Variants in LMO7 observed in about 807,000 individuals in gnomAD.
LMO7 encodes LIM domain 7, also known as LIM domain only protein 7.
LMO7 carries 120 observed loss-of-function variants against 206.5 expected under a neutral mutation model. That is an observed-to-expected ratio of 0.58 (90% confidence interval 0.50 to 0.68). The LOEUF (loss-of-function observed/expected upper bound fraction) is 0.68. Ranked by LOEUF, LMO7 falls within the 30% of genes least tolerant of loss-of-function variation. The pLI, the probability that LMO7 is intolerant of heterozygous loss-of-function variation, is 0.00. For missense variants in LMO7, 1,959 were observed against 1,957.9 expected, an observed-to-expected ratio of 1.00 and a Z score of -0.01; for synonymous variants, 706 against 681.5, an observed-to-expected ratio of 1.04 and a Z score of -0.56.
rs758991524 is a variant in LMO7 at position 75,855,349 on chromosome 13, A to G, written c.4751A>G (p.Tyr1584Cys). 1 of 1,612,296 alleles carries G rather than the reference A, an allele frequency of 6.2e-7. No individual in the cohort carries two copies. Among genetic ancestry groups the G allele is most frequent in the Non-Finnish European group, 8.5e-7 (1 of 1,178,438 alleles). ...AMIIESLGLC[Y>C]HLHCFKCVAC... is the part of the protein sequence containing the mutation. ...ATCATCGAGTCCCTGGGTCTTTGTT[A>G]TCATTTGCATTGTTTTAAGGTGAGA... The change falls in exon 29 of 31, where the codon TAT becomes TGT. Residue 1584 changes from tyrosine to cysteine, a missense_variant. Tyr to Cys is a radical substitution (Grantham distance 194, BLOSUM62 -2). Transcript: ENST00000377534.
At chr13:75,698,065 A>G (rs1392321195) in intron 1 of LMO7, among the ~76,000 whole-genome samples, 1 of 152,208 alleles carries the variant, frequency 6.6e-6, no homozygotes, top group Non-Finnish European at 1.5e-5. Context: ...CCATACAATT[A>G]AAGTGAATTA....
At chr13:75,776,165 A>ATG (rs2140171272) in intron 4 of LMO7, among the ~76,000 whole-genome samples, 1 of 26,758 alleles carries the variant, frequency 3.7e-5, no homozygotes, top group South Asian at 1.1e-3. Flanking sequence ...TATATCGGAT[A>ATG]TATATATATA....
intron 4 of LMO7, among the ~76,000 whole-genome samples, chr13:75,792,670 G>T (rs1013030590): frequency 6.6e-6 from 1 of 152,160 alleles, no homozygotes; most frequent in African/African-American, 2.4e-5. Context: ...CAAAGGAGCT[G>T]CTTGGTTACC....
intron 27 of LMO7, among the ~76,000 whole-genome samples, chr13:75,850,760 A>G (rs1007020966): frequency 6.6e-6 from 1 of 152,024 alleles, no homozygotes; most frequent in East Asian, 1.9e-4. Context: ...AGGACTAGAG[A>G]GTAAATAATT....
Position 75,855,270 on chromosome 13 carries a change from G to A in LMO7, c.4672G>A (p.Gly1558Arg). ...GSQLRNRSVS[G>R]KRICSYCNNI... ...TTGTTCTGCATCTAGGTCAGTCAGTGGGAAGCGCATATGCTCCTACTGCAA... is the reference window on the plus strand; with the variant it reads ...TTGTTCTGCATCTAGGTCAGTCAGTAGGAAGCGCATATGCTCCTACTGCAA... Residue 1558 changes from glycine to arginine, a missense_variant, in exon 29 of 31, where the codon GGG becomes AGG. Physicochemically the swap from Gly to Arg is moderately radical, Grantham distance 125 (BLOSUM62 -2). Transcript: ENST00000377534. 1.2e-6 allele frequency: 2 copies of A among 1,610,792 alleles called. No homozygotes were observed. The highest frequency in any genetic ancestry group is 1.1e-5 in the South Asian group (1 of 90,994).
chr13:75,636,424 G>A lies in LMO7; in HGVS notation c.-234G>A, dbSNP rs1046719037. ...CTGCCCGGGTCCCCGCGGGCCTTGG[G>A]TCGCTTTCAGGAGTTTAGAGAAAGC... On this transcript the variant is annotated 5_prime_UTR_variant, in exon 1 of 31. Transcript: ENST00000377534. 13 of 1,361,362 alleles carry A rather than the reference G, an allele frequency of 9.5e-6. No individual in the cohort carries two copies. The highest frequency in any genetic ancestry group is 1.2e-5 in the Non-Finnish European group (13 of 1,059,802). The allele number at this position is 1,361,362 out of a possible 1,614,324, so 84.3% of individuals were successfully genotyped here.
chr13:75,793,306 G>T (rs1328130210), intron 4 of LMO7, among the ~76,000 whole-genome samples: 1 of 152,152 alleles, frequency 6.6e-6, no homozygotes, highest in African/African-American at 2.4e-5. Context: ...ACGGAGTCTT[G>T]CTCTTGTCGC....
chr13:75,634,069 G>A (rs1291086279), upstream of LMO7, among the ~76,000 whole-genome samples: 3 of 148,540 alleles, frequency 2.0e-5, no homozygotes, highest in East Asian at 6.2e-4. Flanking sequence ...TCAAACTCCT[G>A]ACCTTGTGAT....
At chr13:75,635,868 G>C (rs1486434142), upstream of LMO7, 1 of 152,818 alleles carries the variant, frequency 6.5e-6, no homozygotes, top group African/African-American at 2.4e-5. Context: ...AGCGGGTAGC[G>C]GGCTCAGCTG....
At chr13:75,833,003 G>A (rs76180511) in intron 15 of LMO7, 48 bp from the exon 16 acceptor site, 10,346 of 1,017,326 alleles carry the variant, frequency 0.01, 333 homozygotes, top group East Asian at 0.099. Context: ...TTTCCTCCAT[G>A]TGGGTGCCAG....
chr13:75,805,053 C>A, intron 8 of LMO7: 1 of 991,546 alleles, frequency 1.0e-6, no homozygotes, highest in Non-Finnish European at 1.2e-6. Context: ...GAAAAAGAGG[C>A]CCCAGAATTT....
intron 1 of LMO7, among the ~76,000 whole-genome samples, chr13:75,687,441 G>A (rs1456858571): frequency 6.6e-6 from 1 of 152,168 alleles, no homozygotes; most frequent in African/African-American, 2.4e-5. Flanking sequence ...AAAAAGGACA[G>A]ACTGAAGGGA....
At chr13:75,680,630 A>G (rs1015285157) in intron 1 of LMO7, among the ~76,000 whole-genome samples, 1 of 149,622 alleles carries the variant, frequency 6.7e-6, no homozygotes, top group Non-Finnish European at 1.5e-5. Context: ...GTGCAGTTTT[A>G]TTACATAGGA....
chr13:75,824,717 T>G lies in LMO7; in HGVS notation c.2949+844T>G, dbSNP rs145233985. Reference sequence around the variant, plus strand: ...GGAAGAGCTTTTGTGGTCCTTTGGCTTGGTTTAGTATTCCCTGTTGCCCTG... The same window carrying G: ...GGAAGAGCTTTTGTGGTCCTTTGGCGTGGTTTAGTATTCCCTGTTGCCCTG... On this transcript the variant is annotated intron_variant, in intron 15 of 30. Coordinates refer to ENST00000377534, the MANE Select transcript of LMO7 (RefSeq NM_001306080.2). Among the ~76,000 whole-genome samples, 45 of 152,270 alleles carry G rather than the reference T, an allele frequency of 3.0e-4. No homozygotes were observed. In the East Asian group the frequency reaches 3.1e-3, roughly 10 times the overall value.
intron 1 of LMO7, among the ~76,000 whole-genome samples, chr13:75,679,915 T>G (rs1235956130): frequency 1.3e-5 from 2 of 152,188 alleles, no homozygotes; most frequent in South Asian, 4.1e-4. Flanking sequence ...AATTTTTATT[T>G]TATTTTAAGT....
chr13:75,681,732 A>ATATATATATATATATATATATATATG (rs1555293403), intron 1 of LMO7, among the ~76,000 whole-genome samples: 13 of 135,276 alleles, frequency 9.6e-5, no homozygotes, highest in African/African-American at 3.2e-4. Flanking sequence ...ATATATATAT[A>ATATATATATATATATATATATATATG]TATATATATA....
chr13:75,769,650 AG>A (rs2049372315), intron 4 of LMO7, among the ~76,000 whole-genome samples: 2 of 152,068 alleles, frequency 1.3e-5, no homozygotes, highest in Non-Finnish European at 2.9e-5. Context: ...TAAAGGAAAA[AG>A]TGGGGTTCTT....
chr13:75,641,834 T>TG (rs1483468177), intron 1 of LMO7, among the ~76,000 whole-genome samples: 1 of 151,898 alleles, frequency 6.6e-6, no homozygotes, highest in African/African-American at 2.4e-5. Flanking sequence ...TCTTTTTTTT[T>TG]TTTTTGGTAG....
intron 3 of LMO7, among the ~76,000 whole-genome samples, chr13:75,749,051 C>G (rs1247646789): frequency 6.6e-6 from 1 of 152,130 alleles, no homozygotes; most frequent in Non-Finnish European, 1.5e-5. Context: ...AAGCAATACT[C>G]CTGCCTAGGC....
Sources: gnomAD v4.1 joint callset for allele counts (sites outside exome capture counted in the v4.1 genomes callset) on GRCh38, gnomAD v4.1.1 for gene constraint, MANE v1.5 for transcripts, NCBI Gene and HGNC (gene_info 2026-07-23, HGNC 2026-07-21) for gene names.